Variants in ASH1L observed in about 807,000 individuals in gnomAD.
The protein encoded by ASH1L is histone-lysine N-methyltransferase ASH1L.
Under a neutral mutation model 269.0 loss-of-function variants are expected in ASH1L, and 23 were observed. That is an observed-to-expected ratio of 0.09 (90% confidence interval 0.06 to 0.12). The LOEUF (loss-of-function observed/expected upper bound fraction) is 0.12. Ranked by LOEUF, ASH1L falls within the 10% of genes least tolerant of loss-of-function variation. The probability of loss-of-function intolerance (pLI) is 1.00; values close to 1 mark genes in which losing one functional copy is unlikely to be tolerated. For synonymous variants in ASH1L, 1,187 were observed against 1,253.5 expected, an observed-to-expected ratio of 0.95 and a Z score of 1.12; for missense variants, 2,912 against 3,567.8, an observed-to-expected ratio of 0.82 and a Z score of 4.68.
Position 155,562,599 on chromosome 1 carries a change from C to A in ASH1L, c.-546G>T. The A allele has an allele frequency of 2.6e-6, 4 of 1,528,410 alleles. No individual in the cohort carries two copies. Among genetic ancestry groups the A allele is most frequent in the Non-Finnish European group, 2.6e-6 (3 of 1,141,738 alleles). The allele number at this position is 1,528,410 out of a possible 1,614,324, so 94.7% of individuals were successfully genotyped here. ...ACTCCGTCCGCGTAGCGCGCACGCC[C>A]GCCCGCACGCGTACGAGTGTCTACG... On this transcript the variant is annotated 5_prime_UTR_variant, in exon 1 of 28. Coordinates refer to ENST00000392403, the MANE Select transcript of ASH1L (RefSeq NM_018489.3).
chr1:155,477,099 TAG>T (rs1044839487), intron 3 of ASH1L, among the ~76,000 whole-genome samples: 1 of 152,208 alleles, frequency 6.6e-6, no homozygotes, highest in African/African-American at 2.4e-5. Context: ...ATGGACTTCC[TAG>T]AGTTATTTTA....
At chr1:155,562,987 GAGAGGA>G (rs1422790448), upstream of ASH1L, 1 of 457,820 alleles carries the variant, frequency 2.2e-6, no homozygotes, top group East Asian at 6.9e-5. Context: ...GCAGGGGCAG[GAGAGGA>G]AGGGACGGGC....
chr1:155,512,106 C>T (rs1668199169), intron 2 of ASH1L, among the ~76,000 whole-genome samples: 1 of 152,092 alleles, frequency 6.6e-6, no homozygotes, highest in Non-Finnish European at 1.5e-5. Context: ...GCCACTGTGC[C>T]CAGCCAAGAT....
At chr1:155,405,255 G>A (rs927244099) in intron 6 of ASH1L, among the ~76,000 whole-genome samples, 6 of 151,652 alleles carry the variant, frequency 4.0e-5, no homozygotes, top group Non-Finnish European at 7.4e-5. Context: ...CTGAGGGGGG[G>A]GCAGATCACT....
intron 1 of ASH1L, among the ~76,000 whole-genome samples, chr1:155,546,374 G>C (rs1670829074): frequency 2.0e-5 from 3 of 152,136 alleles, no homozygotes; most frequent in African/African-American, 7.2e-5. Flanking sequence ...ATGGTAAAGG[G>C]GAAAGGGAGG....
intron 4 of ASH1L, among the ~76,000 whole-genome samples, chr1:155,459,371 T>C (rs1056915849): frequency 6.6e-6 from 1 of 152,128 alleles, no homozygotes; most frequent in African/African-American, 2.4e-5. Context: ...AGTTTTTGTA[T>C]TTTTAGTACA....
intron 7 of ASH1L, among the ~76,000 whole-genome samples, chr1:155,392,329 C>A (rs564501148): frequency 1.1e-3 from 164 of 152,250 alleles, no homozygotes; most frequent in African/African-American, 3.8e-3. Flanking sequence ...TAACTGGGAC[C>A]TGGCCACAGA....
chr1:155,447,365 T>C (rs959785052), intron 4 of ASH1L, among the ~76,000 whole-genome samples: 1 of 152,180 alleles, frequency 6.6e-6, no homozygotes, highest in Non-Finnish European at 1.5e-5. Flanking sequence ...AATTTATTAA[T>C]TGATTTGAGA....
intron 13 of ASH1L, among the ~76,000 whole-genome samples, chr1:155,358,105 A>G (rs930320797): frequency 6.6e-6 from 1 of 152,106 alleles, no homozygotes; most frequent in South Asian, 2.1e-4. Flanking sequence ...AGTCTCATTT[A>G]CTAGCTTAAA....
At chr1:155,349,708 T>A (rs1570963388) in intron 17 of ASH1L, 112 bp from the exon 18 acceptor site, 13 of 526,800 alleles carry the variant, frequency 2.5e-5, no homozygotes, top group African/African-American at 6.4e-5. Flanking sequence ...AAAATCCAAG[T>A]CTTTTTTTTT....
At chr1:155,548,909 T>G (rs1379610893) in intron 1 of ASH1L, among the ~76,000 whole-genome samples, 2 of 152,198 alleles carry the variant, frequency 1.3e-5, no homozygotes, top group African/African-American at 4.8e-5. Context: ...TCAAACCCTG[T>G]ACAGTCAGCC....
intron 5 of ASH1L, among the ~76,000 whole-genome samples, chr1:155,427,466 C>T (rs1399703267): frequency 1.3e-5 from 2 of 152,110 alleles, no homozygotes; most frequent in Non-Finnish European, 2.9e-5. Flanking sequence ...CACCACCTGG[C>T]TAATTTTTGT....
chr1:155,441,765 CTT>C (rs543915802), intron 4 of ASH1L, among the ~76,000 whole-genome samples: 40 of 125,342 alleles, frequency 3.2e-4, no homozygotes, highest in Admixed American at 3.2e-4. Context: ...TGCGCCTGGC[CTT>C]TTTTTTTTTT....
intron 1 of ASH1L, among the ~76,000 whole-genome samples, chr1:155,555,641 T>G (rs1233769444): frequency 6.6e-6 from 1 of 152,122 alleles, no homozygotes; most frequent in Non-Finnish European, 1.5e-5. Flanking sequence ...AAAAAGCTGA[T>G]AAGCTATTCT....
At chr1:155,494,432 G>A (rs1414718609) in intron 2 of ASH1L, among the ~76,000 whole-genome samples, 1 of 152,164 alleles carries the variant, frequency 6.6e-6, no homozygotes, top group Non-Finnish European at 1.5e-5. Context: ...ATATTTATGG[G>A]TACTTACTGT....
intron 1 of ASH1L, among the ~76,000 whole-genome samples, chr1:155,543,308 C>T (rs551664250): frequency 1.2e-4 from 18 of 151,528 alleles, no homozygotes; most frequent in Non-Finnish European, 2.4e-4. Flanking sequence ...GTCAGGAGTT[C>T]GACACCAGCC....
chr1:155,519,847 C>T (rs1414569323), intron 2 of ASH1L, among the ~76,000 whole-genome samples: 8 of 151,700 alleles, frequency 5.3e-5, no homozygotes, highest in Non-Finnish European at 7.4e-5. Context: ...TTAGTAGAGA[C>T]GGGGTTTCAT....
chr1:155,533,835 T>A (rs1374737543), intron 1 of ASH1L, among the ~76,000 whole-genome samples: 1 of 152,118 alleles, frequency 6.6e-6, no homozygotes, highest in Non-Finnish European at 1.5e-5. Context: ...ATTCTACTGG[T>A]TCTCCCAACA....
intron 7 of ASH1L, among the ~76,000 whole-genome samples, chr1:155,390,001 C>G (rs1657785206): frequency 6.7e-6 from 1 of 150,314 alleles, no homozygotes. Flanking sequence ...TCTTACTCAT[C>G]TTCTTGACTT....
Sources: gnomAD v4.1 joint callset for allele counts (sites outside exome capture counted in the v4.1 genomes callset) on GRCh38, gnomAD v4.1.1 for gene constraint, MANE v1.5 for transcripts, NCBI Gene and HGNC (gene_info 2026-07-23, HGNC 2026-07-21) for gene names.